The following FOXN4 variants were observed in gnomAD, a reference collection of about 807,000 sequenced individuals.
FOXN4 encodes the protein forkhead box protein N4.
Under a neutral mutation model 45.0 loss-of-function variants are expected in FOXN4, and 12 were observed. That is an observed-to-expected ratio of 0.27 (90% CI 0.17 to 0.43). The LOEUF (loss-of-function observed/expected upper bound fraction) is 0.43. Ranked by LOEUF, FOXN4 falls within the 20% of genes least tolerant of loss-of-function variation. The pLI is 1.00. For missense variants in FOXN4, 560 were observed against 694.9 expected (o/e 0.81, Z 2.18); for synonymous variants, 297 against 295.0 (o/e 1.01, Z -0.07).
Position 109,281,727 on chromosome 12 carries a change from G to T in FOXN4, c.974C>A (p.Ala325Asp), listed in dbSNP as rs758796976. Reference protein sequence around the residue: ...RRPGKPGEPEAPVLTHATTVA... With the variant: ...RRPGKPGEPEDPVLTHATTVA... ...TGTGGTGGCGTGAGTCAGCACGGGG[G>T]CCTCTGGTTCCCCCGGTTTGCCGGG... Residue 325 changes from alanine (A) to aspartate (D), a missense_variant, in exon 9 of 10, where the codon GCC becomes GAC. Ala to Asp is a moderately radical substitution (Grantham distance 126, BLOSUM62 -2). This residue lies in a region of FOXN4 where 315 missense variants were observed against 350.5 expected (regional missense o/e 0.90). Coordinates refer to ENST00000299162, the MANE Select transcript of FOXN4 (RefSeq NM_213596.3). The T allele has an allele frequency of 5.0e-6, 8 of 1,609,380 alleles. No individual in the cohort carries two copies. The highest frequency in any genetic ancestry group is 6.8e-6 in the Non-Finnish European group (8 of 1,178,128).
intron 2 of FOXN4, among the ~76,000 whole-genome samples, chr12:109,299,197 T>G (rs995312499): frequency 6.6e-6 from 1 of 152,182 alleles, no homozygotes; most frequent in Non-Finnish European, 1.5e-5. Context: ...AGAGTCTCCC[T>G]GAATTCAATA....
intron 7 of FOXN4, 79 bp downstream of exon 7, chr12:109,286,569 C>A: frequency 2.7e-6 from 4 of 1,456,622 alleles, no homozygotes; most frequent in Non-Finnish European, 2.8e-6. Context: ...AGGGTTGGCC[C>A]AGGGCCAGCC....
rs1299477034 is a variant in FOXN4 at position 109,304,283 on chromosome 12, GAA to G, written c.86+3951_86+3952del. ...AGAAAGAAAGAAAGAAAGAAAGAAA[GAA>G]AGAAAGAAAGGAGAAAGAAAGAAGG... On this transcript the variant is annotated intron_variant, in intron 2 of 9. Transcript: ENST00000299162. Among the ~76,000 whole-genome samples, 26 of 55,874 alleles carry G rather than the reference GAA, an allele frequency of 4.7e-4. 2 individuals are homozygous for G. The highest frequency in any genetic ancestry group is 1.7e-3 in the Admixed American group (8 of 4,776). The allele number at this position is 55,874 out of a possible 152,430, so 36.7% of individuals were successfully genotyped here. A position where few individuals can be genotyped will look rare whatever the true frequency, so the allele number is the denominator to read the frequency against.
At position 109,290,183 on chromosome 12, in the gene FOXN4, G is replaced by A. The variant is rs1016370033; in HGVS notation, c.190C>T (p.Arg64Cys). ...ACGCAGGGGCCACCCAGGTCCACGCGGCCACTTGCCATCTGCTGCAGCCGA... is the reference window on the plus strand; with the variant it reads ...ACGCAGGGGCCACCCAGGTCCACGCAGCCACTTGCCATCTGCTGCAGCCGA... ...VPRLQQMASG[R>C]VDLGGPCVPH... The change falls in exon 3 of 10, where the codon CGC becomes TGC. Residue 64 changes from arginine (R) to cysteine (C), a missense_variant. Physicochemically the swap from Arg to Cys is radical, Grantham distance 180. Coordinates refer to ENST00000299162, the MANE Select transcript of FOXN4 (RefSeq NM_213596.3). The surrounding 1 kb of genome is among the most constrained non-coding windows in gnomAD (Gnocchi z 5.1). 1.1e-5 allele frequency: 17 copies of A among 1,551,352 alleles called. No individual in the cohort carries two copies. Among genetic ancestry groups the A allele is most frequent in the Non-Finnish European group, 1.5e-5 (17 of 1,146,886 alleles).
At chr12:109,300,761 T>C (rs2047861446) in intron 2 of FOXN4, among the ~76,000 whole-genome samples, 1 of 152,044 alleles carries the variant, frequency 6.6e-6, no homozygotes, top group Admixed American at 6.6e-5. Flanking sequence ...TTTTTTAAAT[T>C]AGCCAGGCAT....
chr12:109,299,207 A>G (rs2047845399), intron 2 of FOXN4, among the ~76,000 whole-genome samples: 1 of 152,112 alleles, frequency 6.6e-6, no homozygotes, highest in South Asian at 2.1e-4. Flanking sequence ...TGAATTCAAT[A>G]GTTCACCAGC....
chr12:109,299,634 G>A (rs1785042504), intron 2 of FOXN4, among the ~76,000 whole-genome samples: 1 of 152,198 alleles, frequency 6.6e-6, no homozygotes, highest in Non-Finnish European at 1.5e-5. Flanking sequence ...GGAAGTAGGG[G>A]GATGCTGAAG....
At chr12:109,279,991 C>T in intron 9 of FOXN4, 61 bp from the exon 10 acceptor site, 2 of 1,599,522 alleles carry the variant, frequency 1.3e-6, no homozygotes, top group Admixed American at 1.7e-5. Flanking sequence ...GAGTTCGAAT[C>T]CCCCATCTTA....
chr12:109,281,354 C>T (rs902627709), intron 9 of FOXN4, 53 bp downstream of exon 9: 33 of 1,594,830 alleles, frequency 2.1e-5, no homozygotes, highest in South Asian at 6.8e-5. Flanking sequence ...CTTTGGCCCC[C>T]GGGCCTCTCC....
In FOXN4 at chr12:109,279,106, C is replaced by G. The variant is rs1335014773; in HGVS notation, c.*565G>C. ...AAGGTGGGGCTGAAGGCCACCTGGA[C>G]CGGCTCCCATTTCAGAGTTCAGCTT... On this transcript the variant is annotated 3_prime_UTR_variant, in exon 10 of 10. Coordinates refer to ENST00000299162, the MANE Select transcript of FOXN4 (RefSeq NM_213596.3). The G allele has an allele frequency of 6.4e-6, 1 of 156,984 alleles. No homozygotes were observed. The highest frequency in any genetic ancestry group is 1.9e-4 in the East Asian group (1 of 5,366). The allele number at this position is 156,984 out of a possible 1,614,324, so 9.7% of individuals were successfully genotyped here.
chr12:109,308,474 T>C (rs111434992), intron 1 of FOXN4, 150 bp from the exon 2 acceptor site: 1 of 525,970 alleles, frequency 1.9e-6, no homozygotes, highest in East Asian at 3.0e-5. Flanking sequence ...TTCTAGAGGA[T>C]TCCTGGGCAT....
At chr12:109,286,229 T>G (rs914287913) in intron 7 of FOXN4, among the ~76,000 whole-genome samples, 2 of 152,208 alleles carry the variant, frequency 1.3e-5, no homozygotes, top group African/African-American at 4.8e-5. Flanking sequence ...GCCAACCCTA[T>G]GCTGGAAGCT....
intron 8 of FOXN4, among the ~76,000 whole-genome samples, chr12:109,283,476 T>A (rs949161362): frequency 2.4e-5 from 1 of 41,456 alleles, no homozygotes; most frequent in Non-Finnish European, 4.9e-5. Context: ...GTTTGAGAAC[T>A]TTTTTTTTTT....
At chr12:109,283,460 CT>C (rs2047671833) in intron 8 of FOXN4, among the ~76,000 whole-genome samples, 1 of 147,928 alleles carries the variant, frequency 6.8e-6, no homozygotes, top group Non-Finnish European at 1.5e-5. Flanking sequence ...CCCCTTTTCA[CT>C]TATTGTTTGA....
intron 2 of FOXN4, among the ~76,000 whole-genome samples, chr12:109,294,195 CCCCA>C (rs1329875284): frequency 1.3e-5 from 2 of 152,142 alleles, no homozygotes; most frequent in Non-Finnish European, 2.9e-5. Flanking sequence ...GACCCTGAAG[CCCCA>C]CCCTTGGGAC....
intron 2 of FOXN4, among the ~76,000 whole-genome samples, chr12:109,304,043 T>C (rs999275742): frequency 6.6e-6 from 1 of 151,204 alleles, no homozygotes; most frequent in Non-Finnish European, 1.5e-5. Context: ...ATACAAAAAT[T>C]AGCTGGGCGT....
At position 109,291,824 on chromosome 12, in the gene FOXN4, G is replaced by A. The variant is rs2136930355; in HGVS notation, c.87-1538C>T. Among the ~76,000 whole-genome samples, 1 of 152,266 alleles carries A rather than the reference G, an allele frequency of 6.6e-6. No homozygotes were observed. Among genetic ancestry groups the A allele is most frequent in the African/African-American group, 2.4e-5 (1 of 41,566 alleles). ...AGTGGCAGCAGTTGGTCCGGCTGCT[G>A]TCCCCCGGCATCCCATTGTGTGACA... is the stretch of plus-strand genomic sequence containing the variant. On this transcript the variant is annotated intron_variant, in intron 2 of 9. Coordinates refer to ENST00000299162, the MANE Select transcript of FOXN4 (RefSeq NM_213596.3). The surrounding 1 kb of genome is among the most constrained non-coding windows in gnomAD (Gnocchi z 6.6).
rs1485808943 is a variant in FOXN4 at position 109,284,304 on chromosome 12, G to T, written c.901+1000C>A. ...ACTGGATAGGGTTGGGGAGGGGGAG[G>T]CCTATTTCATAGGAGGGAGGGAGGT... On this transcript the variant is annotated intron_variant, in intron 8 of 9. Transcript: ENST00000299162. 2.6e-5 allele frequency among the ~76,000 whole-genome samples: 4 copies of T among 152,354 alleles called. No individual in the cohort carries two copies. The East Asian group carries it at 5.8e-4, about 22-fold the overall frequency.
At chr12:109,296,942 G>C (rs1234407433) in intron 2 of FOXN4, among the ~76,000 whole-genome samples, 1 of 152,244 alleles carries the variant, frequency 6.6e-6, no homozygotes, top group African/African-American at 2.4e-5. Flanking sequence ...GCAAGAGCCT[G>C]ATCAGGCAGG....
Sources: allele counts gnomAD v4.1 joint callset (sites outside exome capture counted in the v4.1 genomes callset), GRCh38; gene constraint gnomAD v4.1.1; regional missense constraint gnomAD v4.1.1; non-coding constraint Gnocchi (gnomAD v3.1); transcripts MANE v1.5; gene names NCBI Gene and HGNC (gene_info 2026-07-23, HGNC 2026-07-21).